Variants in MBLAC2 observed in about 807,000 individuals in gnomAD.
The protein encoded by MBLAC2 is acyl-coenzyme A thioesterase MBLAC2.
In MBLAC2, 24 loss-of-function variants were observed where a neutral mutation model predicts 23.3. The ratio of observed to expected loss-of-function variants is 1.03; its 90% CI spans 0.75 to 1.45. The LOEUF is 1.45. Ranked by LOEUF, MBLAC2 falls within the 40% of genes most tolerant of loss-of-function variation. The pLI is 0.00. For synonymous variants in MBLAC2, 162 were observed against 150.9 expected, an observed-to-expected ratio of 1.07 and a Z score of -0.54; for missense variants, 358 against 370.0, an observed-to-expected ratio of 0.97 and a Z score of 0.27.
At position 90,474,551 on chromosome 5, in the gene MBLAC2, C is replaced by A. The variant is rs1439457248; in HGVS notation, c.-259G>T. 3 of 508,278 alleles carry A rather than the reference C, an allele frequency of 5.9e-6. No homozygotes were observed. The highest frequency in any genetic ancestry group is 3.9e-5 in the African/African-American group (2 of 50,674). The allele number at this position is 508,278 out of a possible 1,614,324, so 31.5% of individuals were successfully genotyped here. On this transcript the variant is annotated 5_prime_UTR_variant, in exon 1 of 2. Transcript: ENST00000316610. ...AGGCTGCGCCACCAGCACGGGGGCG[C>A]AGGAGCTACCGCAGCCTCGGCAGCC...
chr5:90,472,586 CTGA>C (rs925704041), intron 1 of MBLAC2: 2 of 151,940 alleles, frequency 1.3e-5, no homozygotes, highest in African/African-American at 2.4e-5. Context: ...GTGAGATAAA[CTGA>C]TTTTTGTAAA....
At position 90,468,376 on chromosome 5, in the gene MBLAC2, C is replaced by A. The variant is rs149053486; in HGVS notation, c.454+5463G>T. Among the ~76,000 whole-genome samples the A allele has an allele frequency of 2.6e-5, 4 of 152,056 alleles. No homozygotes were observed. The South Asian group carries it at 6.2e-4, about 24-fold the overall frequency. ...AACGTAGCCCCGGACTTCTTGGAGG[C>A]CTTGTTCATTTTTTTTTAATTCCTT... On this transcript the variant is annotated intron_variant, in intron 1 of 1. Transcript: ENST00000316610.
intron 1 of MBLAC2, among the ~76,000 whole-genome samples, chr5:90,468,100 G>T (rs1561239845): frequency 6.6e-6 from 1 of 152,060 alleles, no homozygotes; most frequent in Non-Finnish European, 1.5e-5. Context: ...GTTACATGAT[G>T]CTTTTTTCTC....
At chr5:90,465,360 T>A (rs1464671618) in intron 1 of MBLAC2, among the ~76,000 whole-genome samples, 1 of 152,046 alleles carries the variant, frequency 6.6e-6, no homozygotes, top group African/African-American at 2.4e-5. Flanking sequence ...AAGACCTCAA[T>A]AAAAGGAGAG....
intron 1 of MBLAC2, 60 bp downstream of exon 1, chr5:90,473,779 G>C: frequency 6.8e-7 from 1 of 1,474,940 alleles, no homozygotes. Context: ...TGCGGCACTC[G>C]GACAGTCTCT....
chr5:90,474,630 G>T lies in MBLAC2; in HGVS notation c.-338C>A, dbSNP rs769075598. The T allele has an allele frequency of 3.0e-6, 1 of 328,442 alleles. No individual in the cohort carries two copies. Among genetic ancestry groups the T allele is most frequent in the Non-Finnish European group, 5.7e-6 (1 of 176,652 alleles). 20.3% of individuals were successfully genotyped at this position (328,442 alleles called of 1,614,324 possible). Reference sequence around the variant, plus strand: ...CCACTGCAGCAGAATGGAGACTCAGGTGGCGACCGTTTCGCCACCCCGGGC... The same window carrying T: ...CCACTGCAGCAGAATGGAGACTCAGTTGGCGACCGTTTCGCCACCCCGGGC... On this transcript the variant is annotated 5_prime_UTR_variant, in exon 1 of 2. Transcript: ENST00000316610.
intron 1 of MBLAC2, among the ~76,000 whole-genome samples, chr5:90,467,109 G>T (rs1407890834): frequency 6.6e-6 from 1 of 152,178 alleles, no homozygotes; most frequent in Non-Finnish European, 1.5e-5. Context: ...TTCAGCCTGG[G>T]CAAGAGAGAG....
intron 1 of MBLAC2, among the ~76,000 whole-genome samples, chr5:90,464,962 G>A (rs1328773234): frequency 6.6e-6 from 1 of 152,150 alleles, no homozygotes; most frequent in African/African-American, 2.4e-5. Context: ...AACAAGGCAA[G>A]GATGTCTGCT....
At chr5:90,462,751 A>G (rs943426328) in intron 1 of MBLAC2, among the ~76,000 whole-genome samples, 2 of 152,204 alleles carry the variant, frequency 1.3e-5, no homozygotes, top group Non-Finnish European at 2.9e-5. Flanking sequence ...ACAAACAAAC[A>G]ATAAACAATT....
intron 1 of MBLAC2, among the ~76,000 whole-genome samples, chr5:90,461,830 T>C (rs181283855): frequency 6.6e-6 from 1 of 152,318 alleles, no homozygotes; most frequent in African/African-American, 2.4e-5. Flanking sequence ...GGTCAAATAA[T>C]TTGAGGAACT....
Position 90,459,649 on chromosome 5 carries a change from T to C in MBLAC2, c.*1518A>G, listed in dbSNP as rs1750327462. 6.6e-6 allele frequency: 1 copy of C among 152,176 alleles called. No individual in the cohort carries two copies. The highest frequency in any genetic ancestry group is 2.4e-5 in the African/African-American group (1 of 41,452). 9.4% of individuals were successfully genotyped at this position (152,176 alleles called of 1,614,324 possible). On this transcript the variant is annotated 3_prime_UTR_variant, in exon 2 of 2. Coordinates refer to ENST00000316610, the MANE Select transcript of MBLAC2 (RefSeq NM_203406.2). ...ACATTAACTTGCATACACTATTATT[T>C]ATATTTTGTGTGCTTTCGACTTTTA... is the stretch of plus-strand genomic sequence containing the variant.
At chr5:90,473,305 G>A (rs1750599175) in intron 1 of MBLAC2, 1 of 212,138 alleles carries the variant, frequency 4.7e-6, no homozygotes, top group South Asian at 9.1e-5. Context: ...GTTTCCAATC[G>A]CATTAGCGGA....
intron 1 of MBLAC2, among the ~76,000 whole-genome samples, chr5:90,469,514 T>C (rs1750509049): frequency 6.6e-6 from 1 of 152,034 alleles, no homozygotes. Flanking sequence ...TTTTAAAGCA[T>C]CCTTACTGAC....
chr5:90,465,408 G>A (rs1402848468), intron 1 of MBLAC2, among the ~76,000 whole-genome samples: 2 of 152,060 alleles, frequency 1.3e-5, no homozygotes, highest in African/African-American at 4.8e-5. Flanking sequence ...TATCACTAAG[G>A]CTCAATATTG....
chr5:90,465,092 C>A (rs1750427032), intron 1 of MBLAC2, among the ~76,000 whole-genome samples: 1 of 152,076 alleles, frequency 6.6e-6, no homozygotes, highest in Non-Finnish European at 1.5e-5. Context: ...CATAATCTTA[C>A]ATACAGAAAA....
intron 1 of MBLAC2, among the ~76,000 whole-genome samples, chr5:90,471,159 C>G (rs866874731): frequency 6.6e-6 from 1 of 152,188 alleles, no homozygotes; most frequent in Non-Finnish European, 1.5e-5. Context: ...AAATTGAAAT[C>G]ACGATTTTTT....
In MBLAC2 at chr5:90,461,478, A is replaced by T. The variant is rs1269446556; in HGVS notation, c.529T>A (p.Leu177Ile). The stretch of plus-strand genomic sequence containing the variant: ...AGAATCTTTCGGTCTTTGTCATGTA[A>T]GCAAATACTGCCCCTGGAGTGACCT... ...MPGHSRGSIC[L>I]HDKDRKILFS... Residue 177 changes from leucine to isoleucine, a missense_variant, in exon 2 of 2, where the codon TTA becomes ATA. Transcript: ENST00000316610. The T allele has an allele frequency of 6.2e-7, 1 of 1,614,026 alleles. No individual in the cohort carries two copies. Among genetic ancestry groups the T allele is most frequent in the East Asian group, 2.2e-5 (1 of 44,896 alleles).
rs1441948271 is a variant in MBLAC2 at position 90,460,677 on chromosome 5, A to C, written c.*490T>G. The C allele has an allele frequency of 6.6e-6, 1 of 152,514 alleles. No homozygotes were observed. The highest frequency in any genetic ancestry group is 2.4e-5 in the African/African-American group (1 of 41,470). 9.4% of individuals were successfully genotyped at this position (152,514 alleles called of 1,614,324 possible). ...AAAAAATTCAGGACCATAACAATGG[A>C]ATGTTTTAGTTGTCATTCTCAATGT... is the stretch of plus-strand genomic sequence containing the variant. On this transcript the variant is annotated 3_prime_UTR_variant, in exon 2 of 2. Coordinates refer to ENST00000316610, the MANE Select transcript of MBLAC2 (RefSeq NM_203406.2).
chr5:90,467,212 G>A (rs1398701805), intron 1 of MBLAC2, among the ~76,000 whole-genome samples: 1 of 152,166 alleles, frequency 6.6e-6, no homozygotes, highest in Non-Finnish European at 1.5e-5. Flanking sequence ...CTAGGGTATA[G>A]TTTAAGTCCA....
Sources: gnomAD v4.1 joint callset for allele counts (sites outside exome capture counted in the v4.1 genomes callset) on GRCh38, gnomAD v4.1.1 for gene constraint, MANE v1.5 for transcripts, NCBI Gene and HGNC (gene_info 2026-07-23, HGNC 2026-07-21) for gene names.